Variants in MYO9A observed in about 807,000 individuals in gnomAD.
The protein encoded by MYO9A is myosin IXA, also known as unconventional myosin-IXa.
A neutral mutation model predicts 293.3 loss-of-function variants in MYO9A; 103 were observed. The observed-to-expected ratio is 0.35, with a 90% CI of 0.30 to 0.41. The LOEUF (loss-of-function observed/expected upper bound fraction) is 0.41. Among genes scored for constraint, MYO9A ranks in the 10% least tolerant of loss-of-function variants. MYO9A has a pLI of 1.00. For synonymous variants in MYO9A, 1,001 were observed against 1,035.7 expected, an observed-to-expected ratio of 0.97 and a Z score of 0.64; for missense variants, 2,685 against 3,033.0, an observed-to-expected ratio of 0.89 and a Z score of 2.69.
intron 2 of MYO9A, among the ~76,000 whole-genome samples, chr15:72,036,031 T>C (rs2078036779): frequency 6.6e-6 from 1 of 152,058 alleles, no homozygotes; most frequent in African/African-American, 2.4e-5. Flanking sequence ...TCAAAAAAAC[T>C]TAACTCCTCA....
At chr15:71,971,184 G>A (rs972031960) in intron 12 of MYO9A, among the ~76,000 whole-genome samples, 36 of 150,018 alleles carry the variant, frequency 2.4e-4, no homozygotes, top group African/African-American at 8.6e-4. Flanking sequence ...AAAAAAAAAA[G>A]AAGTGACATT....
intron 39 of MYO9A, among the ~76,000 whole-genome samples, chr15:71,841,721 G>A (rs1438472871): frequency 6.6e-6 from 1 of 151,778 alleles, no homozygotes. Context: ...CTGCAGCCTT[G>A]ACTTCCTAGG....
intron 18 of MYO9A, among the ~76,000 whole-genome samples, chr15:71,927,061 C>T (rs1277714540): frequency 2.0e-5 from 3 of 152,098 alleles, no homozygotes; most frequent in Non-Finnish European, 4.4e-5. Context: ...CCAAGTGGGC[C>T]CATCCTCAGG....
At chr15:71,906,924 G>A (rs532235159) in intron 19 of MYO9A, among the ~76,000 whole-genome samples, 25 of 148,404 alleles carry the variant, frequency 1.7e-4, no homozygotes, top group Non-Finnish European at 3.0e-4. Flanking sequence ...CACCACACCC[G>A]GCTAATTTTT....
chr15:71,949,101 T>C (rs2058992238), intron 15 of MYO9A, among the ~76,000 whole-genome samples: 1 of 152,194 alleles, frequency 6.6e-6, no homozygotes, highest in Non-Finnish European at 1.5e-5. Flanking sequence ...ATTTTCTCTT[T>C]ATCTTTGACA....
At chr15:72,063,617 T>C (rs1286896412) in intron 1 of MYO9A, among the ~76,000 whole-genome samples, 7 of 152,174 alleles carry the variant, frequency 4.6e-5, no homozygotes, top group East Asian at 1.9e-4. Context: ...TATTATCTTA[T>C]CACAGTTAAA....
At chr15:71,865,781 C>T (rs942446711) in intron 32 of MYO9A, among the ~76,000 whole-genome samples, 12 of 152,102 alleles carry the variant, frequency 7.9e-5, no homozygotes, top group Admixed American at 7.2e-4. Context: ...GCACACTTTA[C>T]GTAGTTAAAA....
rs2079819880 is a variant in MYO9A at position 72,088,784 on chromosome 15, A to G, written c.-72+28896T>C. On this transcript the variant is annotated intron_variant, in intron 1 of 41. Transcript: ENST00000356056. The stretch of plus-strand genomic sequence containing the variant: ...TGACAGAGACGTTCCCTGAGTTTGG[A>G]AAACTCAAATGTTACTCCAGAACTT... Among the ~76,000 whole-genome samples the G allele has an allele frequency of 2.0e-5, 3 of 152,194 alleles. No individual in the cohort carries two copies. In the South Asian group the frequency reaches 6.2e-4, roughly 32 times the overall value.
chr15:72,014,917 C>A (rs1305829325), intron 6 of MYO9A, among the ~76,000 whole-genome samples: 4 of 151,916 alleles, frequency 2.6e-5, no homozygotes, highest in Non-Finnish European at 4.4e-5. Context: ...AATCTTGGCT[C>A]ACTGCAACCT....
intron 34 of MYO9A, among the ~76,000 whole-genome samples, chr15:71,856,141 T>C (rs2055854121): frequency 6.6e-6 from 1 of 151,976 alleles, no homozygotes; most frequent in African/African-American, 2.4e-5. Flanking sequence ...TGAAACCCCA[T>C]TTCTACTAAA....
chr15:71,895,892 G>A (rs2057311036), intron 25 of MYO9A, among the ~76,000 whole-genome samples: 1 of 151,984 alleles, frequency 6.6e-6, no homozygotes, highest in African/African-American at 2.4e-5. Context: ...CTTTATAAGT[G>A]TATACACCTA....
chr15:72,050,690 A>C (rs1194613007), intron 1 of MYO9A, among the ~76,000 whole-genome samples: 1 of 152,210 alleles, frequency 6.6e-6, no homozygotes, highest in East Asian at 1.9e-4. Context: ...AATAGTTATG[A>C]GTTGAGGAAA....
intron 37 of MYO9A, among the ~76,000 whole-genome samples, chr15:71,850,791 A>G (rs2141307284): frequency 6.8e-6 from 1 of 148,102 alleles, no homozygotes; most frequent in East Asian, 2.0e-4. Flanking sequence ...AAAAAAAAAA[A>G]AAAAAAAAAA....
rs12441139 is a variant in MYO9A, at chr15:71,914,815, T to G, written c.2685+1555A>C. ...TTGAGAATATGTAAATTTGGAAGGA[T>G]TTTAAAAGACACAATAGGATTGTGA... On this transcript the variant is annotated intron_variant, in intron 19 of 41. Transcript: ENST00000356056. Among the ~76,000 whole-genome samples, 85 of 152,310 alleles carry G rather than the reference T, an allele frequency of 5.6e-4. 2 individuals are homozygous for G. In the East Asian group the frequency reaches 7.5e-3, roughly 13 times the overall value.
intron 19 of MYO9A, among the ~76,000 whole-genome samples, chr15:71,914,888 A>G (rs1412752361): frequency 2.0e-5 from 3 of 152,170 alleles, no homozygotes; most frequent in Admixed American, 6.5e-5. Flanking sequence ...TCTTCAGATT[A>G]AAGAATGATT....
chr15:71,926,564 G>A (rs138685856), intron 18 of MYO9A, among the ~76,000 whole-genome samples: 14 of 152,142 alleles, frequency 9.2e-5, no homozygotes, highest in South Asian at 4.1e-4. Flanking sequence ...AAAATTAGCC[G>A]GGCATGGTGG....
intron 3 of MYO9A, among the ~76,000 whole-genome samples, chr15:72,032,151 T>C (rs796339037): frequency 3.9e-5 from 6 of 152,300 alleles, no homozygotes; most frequent in African/African-American, 1.4e-4. Context: ...CCTCAGGTGA[T>C]CCACCCACCT....
chr15:71,827,988 C>T lies in MYO9A; in HGVS notation c.7079G>A (p.Arg2360His), dbSNP rs201680483. 58 of 1,613,746 alleles carry T rather than the reference C, an allele frequency of 3.6e-5. No individual in the cohort carries two copies. The highest frequency in any genetic ancestry group is 3.3e-4 in the Middle Eastern group (2 of 6,060). ...CTCAAGGGTTTCATCATCAGAGGCA[C>T]GGGGTTCCAGTACAAGCATCTCAAA... The part of the protein sequence containing the change: ...LTFEMLVLEP[R>H]ASDDETLESE... The change falls in exon 41 of 42, where the codon CGT (arginine) becomes CAT (histidine). Residue 2360 changes from arginine to histidine, a missense_variant. By Grantham distance (29) the Arg-to-His change is conservative. Transcript: ENST00000356056.
intron 25 of MYO9A, among the ~76,000 whole-genome samples, chr15:71,894,521 GA>G (rs1328016321): frequency 6.6e-6 from 1 of 152,154 alleles, no homozygotes; most frequent in African/African-American, 2.4e-5. Context: ...AGGTTGCAGT[GA>G]GCCAAGATCG....
Sources: gnomAD v4.1 joint callset for allele counts (sites outside exome capture counted in the v4.1 genomes callset) on GRCh38, gnomAD v4.1.1 for gene constraint, MANE v1.5 for transcripts, NCBI Gene and HGNC (gene_info 2026-07-23, HGNC 2026-07-21) for gene names.